Variants in SLC2A9 observed in about 807,000 individuals in gnomAD.
The protein encoded by SLC2A9 is solute carrier family 2 member 9.
In SLC2A9, 39 loss-of-function variants were observed where a neutral mutation model predicts 50.6. The ratio of observed to expected loss-of-function variants is 0.77; its 90% confidence interval spans 0.60 to 1.01. The LOEUF is 1.01. Among genes scored for constraint, SLC2A9 ranks in the 50% least tolerant of loss-of-function variants. SLC2A9 has a pLI of 0.00. For missense variants in SLC2A9, 686 were observed against 677.6 expected, an observed-to-expected ratio of 1.01 and a Z score of -0.14; for synonymous variants, 324 against 276.9, an observed-to-expected ratio of 1.17 and a Z score of -1.69.
chr4:9,986,925 C>A (rs529027185), intron 3 of SLC2A9, among the ~76,000 whole-genome samples: 32 of 152,236 alleles, frequency 2.1e-4, no homozygotes, highest in Non-Finnish European at 4.3e-4. Flanking sequence ...TCTGTGTTTT[C>A]TTTTCCTCAC....
intron 6 of SLC2A9, among the ~76,000 whole-genome samples, chr4:9,938,226 G>A (rs1020706859): frequency 6.6e-6 from 1 of 151,270 alleles, no homozygotes; most frequent in Admixed American, 6.6e-5. Flanking sequence ...TATTTCAGGA[G>A]AAATTTTCTG....
intron 3 of SLC2A9, among the ~76,000 whole-genome samples, chr4:9,820,341 G>T (rs1724230708): frequency 6.6e-6 from 1 of 152,120 alleles, no homozygotes; most frequent in African/African-American, 2.4e-5. Flanking sequence ...CACCAATATT[G>T]TAGTGTCCTG....
intron 6 of SLC2A9, among the ~76,000 whole-genome samples, chr4:9,935,933 T>C (rs1746990605): frequency 6.6e-6 from 1 of 152,208 alleles, no homozygotes. Context: ...TAAGGGATTT[T>C]TGGGAGCTGT....
intron 6 of SLC2A9, among the ~76,000 whole-genome samples, chr4:9,931,733 G>A (rs543045527): frequency 6.6e-6 from 1 of 151,968 alleles, no homozygotes; most frequent in South Asian, 2.1e-4. Context: ...GGCAGCTTGT[G>A]AGAGCTTGCT....
chr4:9,782,727 G>A lies in SLC2A9; in HGVS notation n.386-2662C>T, dbSNP rs2227843. 3.1e-6 allele frequency: 5 copies of A among 1,613,902 alleles called. No individual in the cohort carries two copies. In the African/African-American group the frequency reaches 6.7e-5, roughly 22 times the overall value. On this transcript the variant is annotated intron_variant and non_coding_transcript_variant, in intron 3 of 3. Transcript: ENST00000503803. ...TACGCCATCTCTTCCTCGCTCATCA[G>A]CTTCTACATCCCCGTTGCCATCATG...
At chr4:10,013,284 C>T (rs779730894) in intron 2 of SLC2A9, among the ~76,000 whole-genome samples, 1 of 152,202 alleles carries the variant, frequency 6.6e-6, no homozygotes, top group African/African-American at 2.4e-5. Context: ...CCTATCAGCA[C>T]CTCTGTTCAC....
intron 3 of SLC2A9, among the ~76,000 whole-genome samples, chr4:9,811,505 G>T (rs1722888485): frequency 6.6e-6 from 1 of 152,264 alleles, no homozygotes; most frequent in South Asian, 2.1e-4. Context: ...CATATTGAGA[G>T]AAGAGAAAGA....
At chr4:9,887,681 G>C in intron 9 of SLC2A9, 39 bp from the exon 10 acceptor site, 1 of 1,431,170 alleles carries the variant, frequency 7.0e-7, no homozygotes, top group East Asian at 2.7e-5. Flanking sequence ...AGGAGGTGAT[G>C]GTGTGACCGG....
At chr4:9,981,800 C>T (rs371076341) in intron 4 of SLC2A9, among the ~76,000 whole-genome samples, 3 of 152,176 alleles carry the variant, frequency 2.0e-5, no homozygotes, top group East Asian at 3.8e-4. Flanking sequence ...TCAAATACTC[C>T]GGGAGAACCT....
chr4:9,928,321 A>C (rs901974641), intron 6 of SLC2A9, among the ~76,000 whole-genome samples: 1 of 152,264 alleles, frequency 6.6e-6, no homozygotes, highest in Non-Finnish European at 1.5e-5. Flanking sequence ...GATAAAGATG[A>C]CATTTTAACA....
chr4:9,812,222 C>G (rs1169159691), intron 3 of SLC2A9, among the ~76,000 whole-genome samples: 1 of 152,166 alleles, frequency 6.6e-6, no homozygotes, highest in Non-Finnish European at 1.5e-5. Context: ...TAAAAATTAT[C>G]TTATTCTTGA....
At chr4:10,022,962 T>A (rs1763607475), upstream of SLC2A9, among the ~76,000 whole-genome samples, 1 of 152,186 alleles carries the variant, frequency 6.6e-6, no homozygotes, top group African/African-American at 2.4e-5. Context: ...CCGGGAGAAG[T>A]GGCTGTTTCT....
At chr4:9,982,266 T>C (rs146798426) in intron 4 of SLC2A9, among the ~76,000 whole-genome samples, 5 of 152,334 alleles carry the variant, frequency 3.3e-5, no homozygotes, top group African/African-American at 9.6e-5. Context: ...TGTCTCACCT[T>C]AAGTGCCCTC....
intron 7 of SLC2A9, among the ~76,000 whole-genome samples, chr4:9,916,971 T>C (rs1417837303): frequency 6.6e-6 from 1 of 152,182 alleles, no homozygotes. Context: ...TCTCCCAGGA[T>C]GGAGACCCAC....
intron 1 of SLC2A9, among the ~76,000 whole-genome samples, chr4:9,772,169 C>T (rs1377870570): frequency 1.3e-5 from 2 of 152,166 alleles, no homozygotes; most frequent in Non-Finnish European, 2.9e-5. Flanking sequence ...GGGGTGAAGA[C>T]ATCAGCACTG....
intron 2 of SLC2A9, among the ~76,000 whole-genome samples, chr4:10,017,741 A>G (rs1324483309): frequency 6.6e-6 from 1 of 152,124 alleles, no homozygotes; most frequent in Admixed American, 6.5e-5. Flanking sequence ...TGCCCCCAAA[A>G]CAGCTTGTGC....
chr4:9,901,116 G>A (rs184091046), intron 8 of SLC2A9, among the ~76,000 whole-genome samples: 5 of 152,240 alleles, frequency 3.3e-5, no homozygotes, highest in Admixed American at 3.3e-4. Flanking sequence ...CAGATCTGGG[G>A]ATGCCACCCA....
intron 2 of SLC2A9, 55 bp downstream of exon 2, chr4:10,018,920 C>G: frequency 6.6e-7 from 1 of 1,525,740 alleles, no homozygotes; most frequent in South Asian, 1.2e-5. Flanking sequence ...CCTTGCGCAC[C>G]CGAAGGTTTC....
At chr4:9,876,035 T>A (rs1321492698) in intron 10 of SLC2A9, among the ~76,000 whole-genome samples, 5 of 152,260 alleles carry the variant, frequency 3.3e-5, no homozygotes, top group African/African-American at 1.2e-4. Flanking sequence ...ATCTCTGCCA[T>A]GCTTTGTCGA....
Sources: gnomAD v4.1 joint callset for allele counts (sites outside exome capture counted in the v4.1 genomes callset) on GRCh38, gnomAD v4.1.1 for gene constraint, MANE v1.5 for transcripts, NCBI Gene and HGNC (gene_info 2026-07-23, HGNC 2026-07-21) for gene names.